PRKCA: variants seen among roughly 807,000 people sequenced by gnomAD.
PRKCA encodes protein kinase C alpha.
A neutral mutation model predicts 87.0 loss-of-function variants in PRKCA; 27 were observed. That is an observed-to-expected ratio of 0.31 (90% CI 0.23 to 0.43). PRKCA has a LOEUF of 0.43. PRKCA is among the 20% of genes least tolerant of loss of function. The pLI is 1.00. For synonymous variants in PRKCA, 329 were observed against 311.1 expected (o/e 1.06, Z -0.61); for missense variants, 518 against 852.3 (o/e 0.61, Z 4.88).
intron 5 of PRKCA, among the ~76,000 whole-genome samples, chr17:66,648,338 A>G (rs995716756): frequency 2.0e-5 from 3 of 152,266 alleles, no homozygotes; most frequent in Non-Finnish European, 4.4e-5. Context: ...ACAGCTATTC[A>G]GTGCTTCCTC....
chr17:66,731,171 C>G (rs909655100), intron 8 of PRKCA, among the ~76,000 whole-genome samples: 1 of 151,864 alleles, frequency 6.6e-6, no homozygotes, highest in African/African-American at 2.4e-5. Flanking sequence ...CCCAACATGG[C>G]GAAACCCCAT....
At position 66,302,896 on chromosome 17, in the gene PRKCA, C is replaced by G. The variant is rs370194402; in HGVS notation, c.45C>G (p.Asp15Glu). The G allele has an allele frequency of 1.7e-5, 28 of 1,611,322 alleles. No homozygotes were observed. The highest frequency in any genetic ancestry group is 2.4e-5 in the Non-Finnish European group (28 of 1,178,424). ...FPGNDSTASQ[D>E]VANRFARKGA... is the part of the protein sequence containing the mutation. Reference sequence around the variant, plus strand: ...GCAACGACTCCACGGCGTCTCAGGACGTGGCCAACCGCTTCGCCCGCAAAG... The same window carrying G: ...GCAACGACTCCACGGCGTCTCAGGAGGTGGCCAACCGCTTCGCCCGCAAAG... The change falls in exon 1 of 17, where the codon GAC becomes GAG. Residue 15 changes from aspartate (D) to glutamate (E), a missense_variant. Around this residue, in one of 5 missense-constraint regions of PRKCA, gnomAD observed 33 missense variants for 34.1 expected, o/e 0.97. Transcript: ENST00000413366.
chr17:66,760,064 G>A (rs1050173730), intron 13 of PRKCA, among the ~76,000 whole-genome samples: 30 of 152,162 alleles, frequency 2.0e-4, no homozygotes, highest in Non-Finnish European at 3.2e-4. Flanking sequence ...CAGCAATACT[G>A]TCCTGTAGAC....
intron 5 of PRKCA, among the ~76,000 whole-genome samples, chr17:66,649,573 C>T (rs959702261): frequency 1.3e-5 from 2 of 152,306 alleles, no homozygotes; most frequent in South Asian, 2.1e-4. Flanking sequence ...GGCCGCAGCC[C>T]GGGCCTGGCT....
chr17:66,728,779 T>C (rs1159822523), intron 8 of PRKCA, among the ~76,000 whole-genome samples: 1 of 152,204 alleles, frequency 6.6e-6, no homozygotes, highest in Non-Finnish European at 1.5e-5. Flanking sequence ...GGTGGTGACT[T>C]GTCAAAGGAG....
At position 66,505,738 on chromosome 17, in the gene PRKCA, T is replaced by C. The variant is rs180721746; in HGVS notation, c.288+9455T>C. ...AATTAGAGTGATTTTGTTGTGAAAC[T>C]TATAAAATGCCTCTGACATCAAGTC... On this transcript the variant is annotated intron_variant, in intron 3 of 16. Coordinates refer to ENST00000413366, the MANE Select transcript of PRKCA (RefSeq NM_002737.3). 2.6e-3 allele frequency among the ~76,000 whole-genome samples: 398 copies of C among 152,314 alleles called. 7 individuals carry two copies. The highest frequency in any genetic ancestry group is 6.6e-4 in the Non-Finnish European group (45 of 68,028).
intron 14 of PRKCA, chr17:66,774,609 A>G (rs1975007800): frequency 4.1e-6 from 4 of 986,818 alleles, no homozygotes; most frequent in Non-Finnish European, 4.8e-6. Context: ...CAACAGAGTG[A>G]GACGGTCTCA....
chr17:66,466,202 C>G (rs1278089476), intron 2 of PRKCA, among the ~76,000 whole-genome samples: 1 of 152,168 alleles, frequency 6.6e-6, no homozygotes, highest in Non-Finnish European at 1.5e-5. Flanking sequence ...ACTCTAGACG[C>G]CTGTACCTTT....
intron 2 of PRKCA, among the ~76,000 whole-genome samples, chr17:66,433,063 A>C (rs757566290): frequency 5.3e-5 from 8 of 152,202 alleles, no homozygotes; most frequent in Non-Finnish European, 8.8e-5. Context: ...GGTAGTTCAG[A>C]AAACCAGAAG....
chr17:66,305,724 A>G (rs17633437), intron 1 of PRKCA, among the ~76,000 whole-genome samples: 58,093 of 152,088 alleles, frequency 0.38, 11,330 homozygotes, highest in East Asian at 0.57. Flanking sequence ...GAACAAAATA[A>G]GCAACTTCCT....
At chr17:66,452,236 G>A (rs1044573770) in intron 2 of PRKCA, among the ~76,000 whole-genome samples, 3 of 152,152 alleles carry the variant, frequency 2.0e-5, no homozygotes, top group African/African-American at 7.2e-5. Flanking sequence ...TGCCTATGAT[G>A]ACCTCATTGA....
intron 2 of PRKCA, among the ~76,000 whole-genome samples, chr17:66,467,494 A>G (rs1915136426): frequency 6.6e-6 from 1 of 152,058 alleles, no homozygotes; most frequent in African/African-American, 2.4e-5. Flanking sequence ...TTTTTTGCAG[A>G]AAAACAGCCC....
intron 2 of PRKCA, among the ~76,000 whole-genome samples, chr17:66,322,639 G>GT (rs71160559): frequency 0.38 from 50,104 of 131,928 alleles, 10,099 homozygotes; most frequent in African/African-American, 0.5. Context: ...ATTTTTAATT[G>GT]TTTTTTTTTT....
intron 5 of PRKCA, among the ~76,000 whole-genome samples, chr17:66,658,003 A>G (rs1261649567): frequency 6.6e-6 from 1 of 152,212 alleles, no homozygotes; most frequent in African/African-American, 2.4e-5. Context: ...CTATGAAGAA[A>G]TACCCGAGAC....
intron 8 of PRKCA, among the ~76,000 whole-genome samples, chr17:66,704,562 A>G: frequency 6.6e-6 from 1 of 152,354 alleles, no homozygotes; most frequent in Middle Eastern, 3.4e-3. Flanking sequence ...CACAGTTCTT[A>G]TATTTGTGAC....
intron 8 of PRKCA, among the ~76,000 whole-genome samples, chr17:66,709,455 CTT>C (rs1295742107): frequency 1.5e-4 from 22 of 151,724 alleles, no homozygotes; most frequent in Non-Finnish European, 2.5e-4. Flanking sequence ...GGACTACAGG[CTT>C]GAGCCACCAC....
At chr17:66,583,256 G>A (rs1202482285) in intron 3 of PRKCA, among the ~76,000 whole-genome samples, 1 of 152,104 alleles carries the variant, frequency 6.6e-6, no homozygotes, top group Non-Finnish European at 1.5e-5. Flanking sequence ...TTTGGTGTTG[G>A]GAGGAATCTC....
At position 66,327,671 on chromosome 17, in the gene PRKCA, C is replaced by T. The variant is rs182898839; in HGVS notation, c.205+21544C>T. 5.8e-4 allele frequency among the ~76,000 whole-genome samples: 89 copies of T among 152,302 alleles called. 1 individual carries two copies. The East Asian group carries it at 0.014, about 23-fold the overall frequency. ...CTTACATTTTTTTATTTCAATTCAT[C>T]TTTTCTGCTCTCATCTCTATTTCTC... On this transcript the variant is annotated intron_variant, in intron 2 of 16. Coordinates refer to ENST00000413366, the MANE Select transcript of PRKCA (RefSeq NM_002737.3).
At chr17:66,773,934 C>G in intron 13 of PRKCA, 53 bp from the exon 14 acceptor site, 2 of 1,609,800 alleles carry the variant, frequency 1.2e-6, no homozygotes, top group Admixed American at 3.3e-5. Context: ...CCTGTTCTGA[C>G]AGGGGCTATT....
Sources: gnomAD v4.1 joint callset for allele counts (sites outside exome capture counted in the v4.1 genomes callset) on GRCh38, gnomAD v4.1.1 for gene constraint, gnomAD v4.1.1 regional missense constraint, MANE v1.5 for transcripts, NCBI Gene and HGNC (gene_info 2026-07-23, HGNC 2026-07-21) for gene names.